MACROH2A1: variants seen among roughly 807,000 people sequenced by gnomAD.
MACROH2A1 encodes the protein macroH2A.1 histone.
Under a neutral mutation model 31.6 loss-of-function variants are expected in MACROH2A1, and 2 were observed. That is an observed-to-expected ratio of 0.06 (90% CI 0.03 to 0.20). The LOEUF is 0.20. Among genes scored for constraint, MACROH2A1 ranks in the 10% least tolerant of loss-of-function variants. The probability of loss-of-function intolerance (pLI) is 1.00; values close to 1 mark genes in which losing one functional copy is unlikely to be tolerated. For missense variants in MACROH2A1, 230 were observed against 474.0 expected, an observed-to-expected ratio of 0.49 and a Z score of 4.78; for synonymous variants, 169 against 189.6, an observed-to-expected ratio of 0.89 and a Z score of 0.89.
rs1000409158 is a variant in MACROH2A1 at position 135,383,904 on chromosome 5, T to C, written c.172+5018A>G. 9.2e-5 allele frequency among the ~76,000 whole-genome samples: 14 copies of C among 152,290 alleles called. No homozygotes were observed. The East Asian group carries it at 2.7e-3, about 29-fold the overall frequency. ...AGTTAGTCTAAGGGAGGTGCACTCA[T>C]GCAAACAAGCAAGGATGTGGGAGCT... On this transcript the variant is annotated intron_variant, in intron 2 of 8. Coordinates refer to ENST00000511689, the MANE Select transcript of MACROH2A1 (RefSeq NM_138610.3).
At chr5:135,358,941 T>C (rs897402225) in intron 5 of MACROH2A1, 1 of 985,414 alleles carries the variant, frequency 1.0e-6, no homozygotes, top group Non-Finnish European at 1.2e-6. Context: ...TCTGTGGTGT[T>C]TGCCCCCTCC....
At chr5:135,358,750 T>C (rs1762476525) in intron 5 of MACROH2A1, 1 of 962,920 alleles carries the variant, frequency 1.0e-6, no homozygotes, top group African/African-American at 1.8e-5. Flanking sequence ...CTATGGCTTT[T>C]TGTATCCTCA....
intron 1 of MACROH2A1, among the ~76,000 whole-genome samples, chr5:135,395,441 A>G (rs568095896): frequency 6.6e-6 from 1 of 152,324 alleles, no homozygotes; most frequent in African/African-American, 2.4e-5. Flanking sequence ...CAGTGCTCAA[A>G]TAACTGCTGA....
In MACROH2A1 at chr5:135,359,608, G is replaced by A. The variant is rs868581755; in HGVS notation, c.588+889C>T. 1.3e-4 allele frequency: 132 copies of A among 984,506 alleles called. No homozygotes were observed. The Middle Eastern group carries it at 4.7e-3, about 35-fold the overall frequency. 61.0% of individuals were successfully genotyped at this position (984,506 alleles called of 1,614,324 possible). On this transcript the variant is annotated intron_variant, in intron 5 of 8. Transcript: ENST00000511689. ...GGGTAGGAGGAGAACTTGCAATGAC[G>A]TGAGCGAGGGAACCGTGTCACTGTG...
chr5:135,388,861 G>A lies in MACROH2A1; in HGVS notation c.172+61C>T, dbSNP rs779763281. The A allele has an allele frequency of 2.7e-5, 36 of 1,357,380 alleles. No homozygotes were observed. The Middle Eastern group carries it at 1.7e-3, about 64-fold the overall frequency. The allele number at this position is 1,357,380 out of a possible 1,614,324, so 84.1% of individuals were successfully genotyped here. ...AAAAGAAACAAAAGTGGTCTTTGGA[G>A]AACTATGAGAACTTCTGCATCTTAA... On this transcript the variant is annotated intron_variant, in intron 2 of 8. Transcript: ENST00000511689.
chr5:135,335,583 A>G (rs1442096602), intron 8 of MACROH2A1, among the ~76,000 whole-genome samples: 1 of 152,108 alleles, frequency 6.6e-6, no homozygotes, highest in Non-Finnish European at 1.5e-5. Flanking sequence ...ACCCACACAG[A>G]AGAGTTACCC....
intron 2 of MACROH2A1, among the ~76,000 whole-genome samples, chr5:135,376,200 A>G (rs192169360): frequency 6.6e-6 from 1 of 152,254 alleles, no homozygotes; most frequent in African/African-American, 2.4e-5. Context: ...TCCAAGCCTG[A>G]CACAAACTCC....
intron 8 of MACROH2A1, among the ~76,000 whole-genome samples, chr5:135,342,141 C>T (rs1759997243): frequency 1.3e-5 from 2 of 152,234 alleles, no homozygotes. Flanking sequence ...GACTCTTGGA[C>T]TTAGACCCTT....
At chr5:135,358,877 T>A (rs1762494424) in intron 5 of MACROH2A1, 1 of 984,798 alleles carries the variant, frequency 1.0e-6, no homozygotes, top group Non-Finnish European at 1.2e-6. Context: ...AAAGGAAGAG[T>A]TGAGTTGCTG....
chr5:135,343,511 T>G, intron 7 of MACROH2A1, 77 bp from the exon 8 acceptor site: 1 of 1,579,940 alleles, frequency 6.3e-7, no homozygotes, highest in Non-Finnish European at 8.6e-7. Flanking sequence ...ACAGACCCAC[T>G]CCCCTGCCAC....
chr5:135,369,892 C>T lies in MACROH2A1; in HGVS notation c.279+144G>A. On this transcript the variant is annotated intron_variant, in intron 3 of 8. Coordinates refer to ENST00000511689, the MANE Select transcript of MACROH2A1 (RefSeq NM_138610.3). This position sits in a 1 kb window ranked among gnomAD's most constrained non-coding sequence, Gnocchi z 4.3. Reference sequence around the variant, plus strand: ...CAATAAGGCCTTGGGGAAAAACTGCCATGGGAGGCAGAGAAGCTGCTAATT... The same window carrying T: ...CAATAAGGCCTTGGGGAAAAACTGCTATGGGAGGCAGAGAAGCTGCTAATT... The T allele has an allele frequency of 1.6e-6, 1 of 633,430 alleles. No homozygotes were observed. The allele number at this position is 633,430 out of a possible 1,614,324, so 39.2% of individuals were successfully genotyped here.
chr5:135,368,008 G>C (rs1057272775), intron 4 of MACROH2A1, among the ~76,000 whole-genome samples: 1 of 152,212 alleles, frequency 6.6e-6, no homozygotes, highest in Admixed American at 6.5e-5. Context: ...TCCAGGACTT[G>C]TGAGCTAGAT....
chr5:135,391,606 G>A (rs1021965675), intron 1 of MACROH2A1, among the ~76,000 whole-genome samples: 4 of 152,202 alleles, frequency 2.6e-5, no homozygotes, highest in African/African-American at 7.2e-5. Flanking sequence ...GAGCCTCAGA[G>A]CTCTGTTCTG....
intron 4 of MACROH2A1, among the ~76,000 whole-genome samples, chr5:135,364,890 G>A (rs2149821133): frequency 6.6e-6 from 1 of 152,272 alleles, no homozygotes; most frequent in Middle Eastern, 3.4e-3. Flanking sequence ...AAGAGAAAGA[G>A]GCACTCTACT....
chr5:135,355,276 T>A (rs1762041959), intron 5 of MACROH2A1: 1 of 455,874 alleles, frequency 2.2e-6, no homozygotes, highest in Non-Finnish European at 4.4e-6. Context: ...ATTCTCAGCT[T>A]CCTTTGGACT....
chr5:135,396,002 T>G (rs1170902283), intron 1 of MACROH2A1, among the ~76,000 whole-genome samples: 2 of 152,232 alleles, frequency 1.3e-5, no homozygotes, highest in Non-Finnish European at 2.9e-5. Context: ...AAATGTCATT[T>G]ACCACAAGCA....
chr5:135,344,035 C>T, intron 7 of MACROH2A1: 1 of 153,890 alleles, frequency 6.5e-6, no homozygotes, highest in Admixed American at 6.4e-5. Flanking sequence ...AATAACGGAT[C>T]CTGTTTATTT....
intron 2 of MACROH2A1, among the ~76,000 whole-genome samples, chr5:135,388,048 C>CAAA (rs55971554): frequency 2.3e-4 from 19 of 80,932 alleles, no homozygotes; most frequent in Non-Finnish European, 3.9e-4. Flanking sequence ...ATTGATACTT[C>CAAA]AAAAAAAAAA....
intron 1 of MACROH2A1, among the ~76,000 whole-genome samples, chr5:135,389,509 C>G (rs1483460606): frequency 6.6e-6 from 1 of 152,196 alleles, no homozygotes; most frequent in Non-Finnish European, 1.5e-5. Flanking sequence ...ACACCCTCCC[C>G]TAAAAAGATG....
Sources: gnomAD v4.1 joint callset for allele counts (sites outside exome capture counted in the v4.1 genomes callset) on GRCh38, gnomAD v4.1.1 for gene constraint, Gnocchi (gnomAD v3.1) non-coding constraint, MANE v1.5 for transcripts, NCBI Gene and HGNC (gene_info 2026-07-23, HGNC 2026-07-21) for gene names.